Variants in NRBP2 observed in about 807,000 individuals in gnomAD.
NRBP2 encodes nuclear receptor binding protein 2.
A neutral mutation model predicts 74.4 loss-of-function variants in NRBP2; 47 were observed. That is an observed-to-expected ratio of 0.63 (90% CI 0.50 to 0.81). The LOEUF is 0.81. NRBP2 is among the 30% of genes least tolerant of loss of function. The probability of loss-of-function intolerance (pLI) is 0.00; values close to 1 mark genes in which losing one functional copy is unlikely to be tolerated. For missense variants in NRBP2, 613 were observed against 690.1 expected, an observed-to-expected ratio of 0.89 and a Z score of 1.25; for synonymous variants, 312 against 273.8, an observed-to-expected ratio of 1.14 and a Z score of -1.38.
chr8:143,840,507 A>G lies in NRBP2; in HGVS notation c.129+199T>C. 1.5e-6 allele frequency: 1 copy of G among 661,718 alleles called. No individual in the cohort carries two copies. Among genetic ancestry groups the G allele is most frequent in the South Asian group, 2.0e-5 (1 of 49,258 alleles). 41.0% of individuals were successfully genotyped at this position (661,718 alleles called of 1,614,324 possible). ...AGAGGCATGGGGAGGTGGTCCTGGG[A>G]GGAGACTGGCCCTCAGGGAGTCCCA... On this transcript the variant is annotated intron_variant, in intron 1 of 17. Coordinates refer to ENST00000442628, the MANE Select transcript of NRBP2 (RefSeq NM_178564.4). This position sits in a 1 kb window ranked among gnomAD's most constrained non-coding sequence, Gnocchi z 5.7.
chr8:143,839,586 C>G lies in NRBP2; in HGVS notation c.445-37G>C. Reference sequence around the variant, plus strand: ...CGCACGACTCCGTCGGTCGGGTGGGCGCAGGAGAGGCGGCTGGGCCTGCGG... The same window carrying G: ...CGCACGACTCCGTCGGTCGGGTGGGGGCAGGAGAGGCGGCTGGGCCTGCGG... On this transcript the variant is annotated intron_variant, in intron 4 of 17. Coordinates refer to ENST00000442628, the MANE Select transcript of NRBP2 (RefSeq NM_178564.4). This position sits in a 1 kb window ranked among gnomAD's most constrained non-coding sequence, Gnocchi z 5.1. 6.6e-7 allele frequency: 1 copy of G among 1,521,316 alleles called. No individual in the cohort carries two copies. The highest frequency in any genetic ancestry group is 8.8e-7 in the Non-Finnish European group (1 of 1,140,334). The allele number at this position is 1,521,316 out of a possible 1,614,324, so 94.2% of individuals were successfully genotyped here.
rs1385080685 is a variant in NRBP2 at position 143,837,045 on chromosome 8, G to A, written c.1257C>T (p.Thr419=). The change falls in exon 14 of 18, where the codon ACC becomes ACT. Residue 419 remains threonine, a synonymous_variant. Transcript: ENST00000442628. The surrounding 1 kb of genome is among the most constrained non-coding windows in gnomAD (Gnocchi z 4.3). The part of the protein sequence containing the change: ...TPTPEPFDSE[T]RKVIQMQCNL... ...AGCAGGAGAGGGGACTCACCTTTCT[G>A]GTCTCAGAGTCAAAGGGCTCTGGCG... is the stretch of plus-strand genomic sequence containing the variant. 4 of 1,609,628 alleles carry A rather than the reference G, an allele frequency of 2.5e-6. No homozygotes were observed. The highest frequency in any genetic ancestry group is 3.4e-6 in the Non-Finnish European group (4 of 1,178,712).
intron 14 of NRBP2, 102 bp from the exon 15 acceptor site, chr8:143,836,282 A>C: frequency 7.1e-7 from 1 of 1,411,934 alleles, no homozygotes; most frequent in Non-Finnish European, 9.3e-7. Context: ...AAAGGGGGGA[A>C]TCTCTAAGAG....
At chr8:143,831,063 GGTCTGC>G (rs1368201891), downstream of NRBP2, among the ~76,000 whole-genome samples, 2 of 152,192 alleles carry the variant, frequency 1.3e-5, no homozygotes, top group Non-Finnish European at 2.9e-5. Flanking sequence ...GTGGGGGGCT[GGTCTGC>G]CACCACCACC....
At position 143,839,303 on chromosome 8, in the gene NRBP2, C is replaced by A. The variant is rs781990042; in HGVS notation, c.580+11G>T. 2 of 1,550,086 alleles carry A rather than the reference C, an allele frequency of 1.3e-6. No homozygotes were observed. The highest frequency in any genetic ancestry group is 2.7e-5 in the African/African-American group (2 of 73,508). On this transcript the variant is annotated intron_variant, in intron 6 of 17. Transcript: ENST00000442628. This position sits in a 1 kb window ranked among gnomAD's most constrained non-coding sequence, Gnocchi z 5.1. Reference sequence around the variant, plus strand: ...GCCCCGTTCCCCCACCCAGCCCTGCCCCGCCAGCACCGGAGCCGATCTTGA... The same window carrying A: ...GCCCCGTTCCCCCACCCAGCCCTGCACCGCCAGCACCGGAGCCGATCTTGA...
At chr8:143,836,280 G>A in intron 14 of NRBP2, 100 bp from the exon 15 acceptor site, 1 of 1,411,376 alleles carries the variant, frequency 7.1e-7, no homozygotes, top group Non-Finnish European at 9.3e-7. Context: ...GGAAAGGGGG[G>A]AATCTCTAAG....
rs1554652604 is a variant in NRBP2 at position 143,838,793 on chromosome 8, G to A, written c.745-18C>T. ...ACAGCCATCTGGGGCACAGAGCCAG[G>A]TCAGGCATGGGGAAGGGACCACACA... On this transcript the variant is annotated intron_variant, in intron 9 of 17. Coordinates refer to ENST00000442628, the MANE Select transcript of NRBP2 (RefSeq NM_178564.4). 1 of 1,611,824 alleles carries A rather than the reference G, an allele frequency of 6.2e-7. No individual in the cohort carries two copies. Among genetic ancestry groups the A allele is most frequent in the South Asian group, 1.1e-5 (1 of 90,550 alleles).
chr8:143,836,149 C>G lies in NRBP2; in HGVS notation c.1295G>C (p.Ser432Thr). ...CACATGCCAGCGCGCCTTGTCCTCG[C>G]TTCTCTCCAGGTTGCACTGCATCTG... ...VIQMQCNLERSEDKARWHLTL... is the reference protein window; with the variant it reads ...VIQMQCNLERTEDKARWHLTL... Residue 432 changes from serine (S) to threonine (T), a missense_variant, in exon 15 of 18, where the codon AGC becomes ACC. Around this residue, in one of 2 missense-constraint regions of NRBP2, gnomAD observed 281 missense variants for 260.9 expected, o/e 1.08. Coordinates refer to ENST00000442628, the MANE Select transcript of NRBP2 (RefSeq NM_178564.4). 4.4e-6 allele frequency: 7 copies of G among 1,596,078 alleles called. No homozygotes were observed. The highest frequency in any genetic ancestry group is 6.0e-6 in the Non-Finnish European group (7 of 1,174,140).
In NRBP2 at chr8:143,840,633, G is replaced by A; in HGVS notation, c.129+73C>T. ...CGCCGCGCTCTCCCAGCGCCCCCAC[G>A]CCCCGCGCAGCCTCCAGGCCCCTCC... is the stretch of plus-strand genomic sequence containing the variant. On this transcript the variant is annotated intron_variant, in intron 1 of 17. Coordinates refer to ENST00000442628, the MANE Select transcript of NRBP2 (RefSeq NM_178564.4). This position sits in a 1 kb window ranked among gnomAD's most constrained non-coding sequence, Gnocchi z 5.7. The A allele has an allele frequency of 7.6e-7, 1 of 1,308,696 alleles. No homozygotes were observed. The highest frequency in any genetic ancestry group is 1.0e-6 in the Non-Finnish European group (1 of 1,004,050). The allele number at this position is 1,308,696 out of a possible 1,614,324, so 81.1% of individuals were successfully genotyped here. A position where few individuals can be genotyped will look rare whatever the true frequency, so the allele number is the denominator to read the frequency against.
Position 143,839,095 on chromosome 8 carries a change from G to C in NRBP2, c.610C>G (p.Pro204Ala). The change falls in exon 8 of 18, where the codon CCA becomes GCA. Residue 204 changes from proline to alanine, a missense_variant. Around this residue, in one of 2 missense-constraint regions of NRBP2, gnomAD observed 332 missense variants for 429.2 expected, o/e 0.77. Transcript: ENST00000442628. This position sits in a 1 kb window ranked among gnomAD's most constrained non-coding sequence, Gnocchi z 5.1. ...CGGATGGGGCTTCGGAGATCATCTG[G>C]AAGTGCTGTGGGAGGGCGCAGAGCT... is the stretch of plus-strand genomic sequence containing the variant. ...VWHRIFSNAL[P>A]DDLRSPIRAE... 6.6e-7 allele frequency: 1 copy of C among 1,524,136 alleles called. No homozygotes were observed. The highest frequency in any genetic ancestry group is 8.8e-7 in the Non-Finnish European group (1 of 1,138,998). The allele number at this position is 1,524,136 out of a possible 1,614,324, so 94.4% of individuals were successfully genotyped here.
intron 10 of NRBP2, 80 bp downstream of exon 10, chr8:143,838,600 C>T: frequency 1.9e-6 from 2 of 1,030,952 alleles, no homozygotes; most frequent in South Asian, 2.9e-5. Context: ...GTGATGTTCT[C>T]CCAGGTCTGC....
At chr8:143,838,379 T>C (rs1368069170) in intron 10 of NRBP2, among the ~76,000 whole-genome samples, 2 of 152,222 alleles carry the variant, frequency 1.3e-5, no homozygotes, top group African/African-American at 2.4e-5. Flanking sequence ...CTCTAAAGCC[T>C]TGGGCAAAGG....
Position 143,840,949 on chromosome 8 carries a change from G to C in NRBP2, c.-115C>G. The C allele has an allele frequency of 2.6e-6, 3 of 1,146,298 alleles. No homozygotes were observed. The highest frequency in any genetic ancestry group is 4.3e-5 in the South Asian group (1 of 23,120). 71.0% of individuals were successfully genotyped at this position (1,146,298 alleles called of 1,614,324 possible). ...AGCCTAGAGCCGCCGCGGCAGCCTA[G>C]AGCCCCAGCCCCGGCTCTGGGAATT... is the stretch of plus-strand genomic sequence containing the variant. On this transcript the variant is annotated 5_prime_UTR_variant, in exon 1 of 18. Coordinates refer to ENST00000442628, the MANE Select transcript of NRBP2 (RefSeq NM_178564.4). This position sits in a 1 kb window ranked among gnomAD's most constrained non-coding sequence, Gnocchi z 5.7.
At chr8:143,831,726 A>G (rs551802369), downstream of NRBP2, among the ~76,000 whole-genome samples, 7 of 152,254 alleles carry the variant, frequency 4.6e-5, no homozygotes, top group Non-Finnish European at 1.0e-4. Context: ...ATTTCCTAGA[A>G]CCAAACAGTC....
Position 143,838,738 on chromosome 8 carries a change from C to T in NRBP2, c.782G>A (p.Arg261Gln), listed in dbSNP as rs1554652590. The T allele has an allele frequency of 6.2e-6, 10 of 1,613,304 alleles. No individual in the cohort carries two copies. Among genetic ancestry groups the T allele is most frequent in the South Asian group, 1.1e-5 (1 of 90,796 alleles). The change falls in exon 10 of 18, where the codon CGG (arginine) becomes CAG (glutamine). Residue 261 changes from arginine to glutamine, a missense_variant. Arg to Gln is a conservative substitution (Grantham distance 43). This residue lies in a region of NRBP2 where 332 missense variants were observed against 429.2 expected (regional missense o/e 0.77). Coordinates refer to ENST00000442628, the MANE Select transcript of NRBP2 (RefSeq NM_178564.4). ...GCGAGCAATGGCCTCCTCTGTGACCCGGGTGTCCCCATTGGTCTGGATTTC... is the reference window on the plus strand; with the variant it reads ...GCGAGCAATGGCCTCCTCTGTGACCTGGGTGTCCCCATTGGTCTGGATTTC... The part of the protein sequence containing the change: ...VLEIQTNGDT[R>Q]VTEEAIARAR...
rs782668304 is a variant in NRBP2, at chr8:143,837,062, G to T, written c.1240C>A (p.Pro414Thr). Residue 414 changes from proline to threonine, a missense_variant, in exon 14 of 18, where the codon CCC becomes ACC. Pro to Thr is a conservative substitution (Grantham distance 38). Around this residue, in one of 2 missense-constraint regions of NRBP2, gnomAD observed 281 missense variants for 260.9 expected, o/e 1.08. Transcript: ENST00000442628. The surrounding 1 kb of genome is among the most constrained non-coding windows in gnomAD (Gnocchi z 4.3). ...ACCTTTCTGGTCTCAGAGTCAAAGG[G>T]CTCTGGCGTCGGGGTCTTGGCCTTT... ...VQKAKTPTPE[P>T]FDSETRKVIQ... 1 of 1,611,808 alleles carries T rather than the reference G, an allele frequency of 6.2e-7. No homozygotes were observed.
In NRBP2 at chr8:143,837,716, G is replaced by A. The variant is rs1294716464; in HGVS notation, c.880C>T (p.Arg294Trp). 1.3e-6 allele frequency: 2 copies of A among 1,563,978 alleles called. No individual in the cohort carries two copies. Among genetic ancestry groups the A allele is most frequent in the Non-Finnish European group, 8.7e-7 (1 of 1,153,592 alleles). The part of the protein sequence containing the change: ...LCCLARDPAR[R>W]PSAHSLLFHR... ...AAGAGGAGGCTGTGGGCAGAGGGCC[G>A]GCGGGCAGGGTCCCGGGCCAGGCAG... Residue 294 changes from arginine (R) to tryptophan (W), a missense_variant, in exon 11 of 18, where the codon CGG (arginine) becomes TGG (tryptophan). Arg to Trp is a moderately radical substitution (Grantham distance 101). Around this residue, in one of 2 missense-constraint regions of NRBP2, gnomAD observed 332 missense variants for 429.2 expected, o/e 0.77. Transcript: ENST00000442628. This position sits in a 1 kb window ranked among gnomAD's most constrained non-coding sequence, Gnocchi z 4.3.
chr8:143,832,346 T>G (rs201959569), downstream of NRBP2, among the ~76,000 whole-genome samples: 1 of 151,914 alleles, frequency 6.6e-6, no homozygotes, highest in African/African-American at 2.4e-5. Flanking sequence ...CCCCATGTGA[T>G]AGTCTGAAAT....
chr8:143,830,170 C>T (rs1257090729), downstream of NRBP2, among the ~76,000 whole-genome samples: 1 of 152,262 alleles, frequency 6.6e-6, no homozygotes, highest in African/African-American at 2.4e-5. Context: ...CCGCCTCCCT[C>T]CTGAAACCTT....
Sources: gnomAD v4.1 joint callset for allele counts (sites outside exome capture counted in the v4.1 genomes callset) on GRCh38, gnomAD v4.1.1 for gene constraint, gnomAD v4.1.1 regional missense constraint, Gnocchi (gnomAD v3.1) non-coding constraint, MANE v1.5 for transcripts, NCBI Gene and HGNC (gene_info 2026-07-23, HGNC 2026-07-21) for gene names.